GRIN2A: variants seen among roughly 807,000 people sequenced by gnomAD.
GRIN2A encodes glutamate receptor ionotropic, NMDA 2A.
A neutral mutation model predicts 113.4 loss-of-function variants in GRIN2A; 22 were observed. That is an observed-to-expected ratio of 0.19 (90% CI 0.14 to 0.28). The LOEUF (loss-of-function observed/expected upper bound fraction) is 0.28. Among genes scored for constraint, GRIN2A ranks in the 10% least tolerant of loss-of-function variants. GRIN2A has a pLI of 1.00. For missense variants in GRIN2A, 1,502 were observed against 1,887.0 expected (o/e 0.80, Z 3.78); for synonymous variants, 827 against 738.4 (o/e 1.12, Z -1.94).
intron 3 of GRIN2A, among the ~76,000 whole-genome samples, chr16:9,931,827 G>A (rs1163306097): frequency 6.6e-6 from 1 of 152,138 alleles, no homozygotes; most frequent in Non-Finnish European, 1.5e-5. Context: ...ATATATGTGT[G>A]CAAAAACACC....
At chr16:10,088,221 C>G (rs911744654) in intron 2 of GRIN2A, among the ~76,000 whole-genome samples, 4 of 152,132 alleles carry the variant, frequency 2.6e-5, no homozygotes, top group Admixed American at 1.3e-4. Context: ...GTTAGAGTCT[C>G]CCAGATTGAA....
At chr16:9,881,665 T>C (rs538740926) in intron 4 of GRIN2A, among the ~76,000 whole-genome samples, 101 of 152,286 alleles carry the variant, frequency 6.6e-4, no homozygotes, top group African/African-American at 2.3e-3. Context: ...TCCAAATCCT[T>C]ATTGAGCCTC....
chr16:10,067,602 G>A (rs2047673737), intron 2 of GRIN2A, among the ~76,000 whole-genome samples: 1 of 152,170 alleles, frequency 6.6e-6, no homozygotes, highest in South Asian at 2.1e-4. Flanking sequence ...ACTGCGTGAA[G>A]ACAGGGTGAG....
intron 11 of GRIN2A, among the ~76,000 whole-genome samples, chr16:9,775,725 C>T (rs929695908): frequency 1.3e-5 from 2 of 152,230 alleles, no homozygotes; most frequent in African/African-American, 4.8e-5. Flanking sequence ...GCAAGGCCGT[C>T]AGATGTACAT....
intron 4 of GRIN2A, among the ~76,000 whole-genome samples, chr16:9,867,610 A>G (rs535621957): frequency 1.3e-5 from 2 of 152,302 alleles, no homozygotes; most frequent in African/African-American, 4.8e-5. Context: ...ACTAAATCCA[A>G]CAGGTGCACT....
At chr16:10,179,893 C>CCCAAAAAAAAAAAAA in intron 2 of GRIN2A, 105 bp downstream of exon 2, 6 of 719,808 alleles carry the variant, frequency 8.3e-6, no homozygotes, top group East Asian at 3.6e-5. Flanking sequence ...CCCCCACCCC[C>CCCAAAAAAAAAAAAA]ACTTCACATC....
chr16:9,798,161 A>T lies in GRIN2A; in HGVS notation c.2356+116T>A, dbSNP rs1045950641. 3 of 831,852 alleles carry T rather than the reference A, an allele frequency of 3.6e-6. No homozygotes were observed. In the African/African-American group the frequency reaches 5.0e-5, roughly 14 times the overall value. 51.5% of individuals were successfully genotyped at this position (831,852 alleles called of 1,614,324 possible). A position where few individuals can be genotyped will look rare whatever the true frequency, so the allele number is the denominator to read the frequency against. ...GGTTTCATGTGACAGGAACTCAGTA[A>T]ATATTTTTAGGGAGCAAACTCATCA... On this transcript the variant is annotated intron_variant, in intron 11 of 12. Coordinates refer to ENST00000330684, the MANE Select transcript of GRIN2A (RefSeq NM_001134407.3).
chr16:9,939,765 T>A (rs1291785498), intron 2 of GRIN2A, among the ~76,000 whole-genome samples: 1 of 152,128 alleles, frequency 6.6e-6, no homozygotes, highest in Admixed American at 6.5e-5. Context: ...TCACTGAAGA[T>A]CTGTATGGAA....
Position 9,974,660 on chromosome 16 carries a change from G to C in GRIN2A, c.415-36109C>G, listed in dbSNP as rs958298012. Among the ~76,000 whole-genome samples, 3 of 152,268 alleles carry C rather than the reference G, an allele frequency of 2.0e-5. No homozygotes were observed. In the East Asian group the frequency reaches 5.8e-4, roughly 29 times the overall value. On this transcript the variant is annotated intron_variant, in intron 2 of 12. Transcript: ENST00000330684. ...CGGCTCGTCCTGCTACAAGGGGAAT[G>C]AGTAGGCCCTATACTGAAAAGTTTC...
At chr16:9,806,441 T>C (rs2041968655) in intron 10 of GRIN2A, among the ~76,000 whole-genome samples, 1 of 152,142 alleles carries the variant, frequency 6.6e-6, no homozygotes, top group Admixed American at 6.5e-5. Flanking sequence ...TTTTTACCAA[T>C]AATATTCACT....
chr16:9,829,680 G>T, intron 8 of GRIN2A, 28 bp from the exon 9 acceptor site: 1 of 1,541,014 alleles, frequency 6.5e-7, no homozygotes, highest in Non-Finnish European at 9.0e-7. Flanking sequence ...GACATTCTCA[G>T]CATTTTCTGA....
rs557436385 is a variant in GRIN2A, at chr16:10,012,156, G to A, written c.415-73605C>T. On this transcript the variant is annotated intron_variant, in intron 2 of 12. Transcript: ENST00000330684. ...ACAATCTGAAATGTTTTCTTGAGTG[G>A]GAGCGAAATGGAAAAAGTTTTTAAT... Among the ~76,000 whole-genome samples, 14 of 152,158 alleles carry A rather than the reference G, an allele frequency of 9.2e-5. No individual in the cohort carries two copies. In the South Asian group the frequency reaches 2.9e-3, roughly 32 times the overall value.
chr16:9,976,013 G>C (rs1338549541), intron 2 of GRIN2A, among the ~76,000 whole-genome samples: 1 of 152,030 alleles, frequency 6.6e-6, no homozygotes, highest in Non-Finnish European at 1.5e-5. Context: ...ATACAGAATG[G>C]AACTAAAAGG....
chr16:10,049,409 G>A (rs1323118017), intron 2 of GRIN2A, among the ~76,000 whole-genome samples: 2 of 150,240 alleles, frequency 1.3e-5, no homozygotes, highest in African/African-American at 4.9e-5. Context: ...ACAGAGTCTT[G>A]CTCTGTTGAC....
At chr16:10,117,745 T>C (rs1047771449) in intron 2 of GRIN2A, among the ~76,000 whole-genome samples, 4 of 152,112 alleles carry the variant, frequency 2.6e-5, no homozygotes, top group Non-Finnish European at 5.9e-5. Flanking sequence ...TTAACAGAGA[T>C]TGATTACATA....
intron 2 of GRIN2A, chr16:10,112,176 G>T: frequency 1.7e-6 from 1 of 585,964 alleles, no homozygotes; most frequent in East Asian, 3.5e-5. Context: ...CACCTGGGTA[G>T]GCATCAACGT....
At chr16:9,947,842 G>C (rs2045056933) in intron 2 of GRIN2A, among the ~76,000 whole-genome samples, 1 of 151,958 alleles carries the variant, frequency 6.6e-6, no homozygotes, top group African/African-American at 2.4e-5. Flanking sequence ...TGTTGTGATT[G>C]GGATAATGCA....
At chr16:9,928,746 C>T (rs1430160642) in intron 3 of GRIN2A, among the ~76,000 whole-genome samples, 1 of 152,142 alleles carries the variant, frequency 6.6e-6, no homozygotes, top group Non-Finnish European at 1.5e-5. Context: ...CCCAATGCTC[C>T]ACCACCCATC....
chr16:9,990,543 ACACGCGCG>A (rs1474918411), intron 2 of GRIN2A, among the ~76,000 whole-genome samples: 84 of 120,208 alleles, frequency 7.0e-4, no homozygotes, highest in African/African-American at 2.3e-3. Context: ...CTCTCTCTCT[ACACGCGCG>A]CGCGCGCGCG....
Sources: allele counts gnomAD v4.1 joint callset (sites outside exome capture counted in the v4.1 genomes callset), GRCh38; gene constraint gnomAD v4.1.1; transcripts MANE v1.5; gene names NCBI Gene and HGNC (gene_info 2026-07-23, HGNC 2026-07-21).